ZNF568: variants seen among roughly 807,000 people sequenced by gnomAD.
The protein encoded by ZNF568 is zinc finger protein 568.
ZNF568 carries 11 observed loss-of-function variants against 18.1 expected under a neutral mutation model. The observed-to-expected ratio is 0.61, with a 90% confidence interval of 0.38 to 1.00. ZNF568 has a LOEUF of 1.00. Ranked by LOEUF, ZNF568 falls within the 50% of genes least tolerant of loss-of-function variation. The pLI, the probability that ZNF568 is intolerant of heterozygous loss-of-function variation, is 0.01. For missense variants in ZNF568, 639 were observed against 768.2 expected (o/e 0.83, Z 1.99); for synonymous variants, 213 against 246.6 (o/e 0.86, Z 1.28).
intron 6 of ZNF568, among the ~76,000 whole-genome samples, chr19:36,963,636 T>A (rs2074171534): frequency 6.6e-6 from 1 of 152,062 alleles, no homozygotes; most frequent in South Asian, 2.1e-4. Context: ...TATTTCAGAG[T>A]TGTTTTTTAA....
chr19:36,960,110 CTT>C (rs34588591), intron 6 of ZNF568, among the ~76,000 whole-genome samples: 2 of 87,678 alleles, frequency 2.3e-5, no homozygotes, highest in Admixed American at 1.4e-4. Context: ...AATTGTTCTA[CTT>C]TTTTTTTTTT....
At chr19:36,936,577 G>A in intron 4 of ZNF568, 169 bp from the exon 5 acceptor site, 1 of 537,806 alleles carries the variant, frequency 1.9e-6, no homozygotes, top group Non-Finnish European at 3.0e-6. Context: ...TCAGATTTGG[G>A]AAATGTCCAA....
At chr19:36,944,527 C>A (rs945122106) in intron 6 of ZNF568, among the ~76,000 whole-genome samples, 6 of 151,944 alleles carry the variant, frequency 3.9e-5, no homozygotes, top group African/African-American at 7.3e-5. Context: ...TGTTTATTTC[C>A]TTAATTCATA....
Position 36,921,391 on chromosome 19 carries a change from G to T in ZNF568, c.-185-1195G>T, listed in dbSNP as rs374925375. 4.7e-4 allele frequency among the ~76,000 whole-genome samples: 71 copies of T among 152,074 alleles called. 1 individual carries two copies. The South Asian group carries it at 0.014, about 29-fold the overall frequency. On this transcript the variant is annotated intron_variant, in intron 2 of 6. Coordinates refer to ENST00000333987, the MANE Select transcript of ZNF568 (RefSeq NM_198539.4). ...CAGGAGAATCACTTAAACCCAGGAG[G>T]CGGAGGTTGCAGTGAACTGAGATTG...
rs2073531894 is a variant in ZNF568, at chr19:36,925,238, G to A, written c.115G>A (p.Glu39Lys). 2 of 1,614,124 alleles carry A rather than the reference G, an allele frequency of 1.2e-6. No homozygotes were observed. Among genetic ancestry groups the A allele is most frequent in the South Asian group, 2.2e-5 (2 of 91,082 alleles). ...SQESALSEEEEDTTRPLETVT... is the reference protein window; with the variant it reads ...SQESALSEEEKDTTRPLETVT... ...AGAGTCTGCCCTTTCCGAGGAAGAA[G>A]AGGATACAACCAGGCCTCTTGTACG... The change falls in exon 4 of 7, where the codon GAG becomes AAG. Residue 39 changes from glutamate (E) to lysine (K), a missense_variant. Coordinates refer to ENST00000333987, the MANE Select transcript of ZNF568 (RefSeq NM_198539.4).
rs185145600 is a variant in ZNF568 at position 36,926,560 on chromosome 19, T to C, written c.135+1302T>C. Among the ~76,000 whole-genome samples, 8 of 152,310 alleles carry C rather than the reference T, an allele frequency of 5.3e-5. No individual in the cohort carries two copies. The East Asian group carries it at 1.5e-3, about 29-fold the overall frequency. ...AGTCTATAAATGGGGATGATAATGGTATTTATCCCACAGGAATGTTGGGAG... is the reference window on the plus strand; with the variant it reads ...AGTCTATAAATGGGGATGATAATGGCATTTATCCCACAGGAATGTTGGGAG... On this transcript the variant is annotated intron_variant, in intron 4 of 6. Coordinates refer to ENST00000333987, the MANE Select transcript of ZNF568 (RefSeq NM_198539.4).
intron 6 of ZNF568, among the ~76,000 whole-genome samples, chr19:36,938,517 T>C (rs2073827049): frequency 1.3e-5 from 2 of 152,182 alleles, no homozygotes; most frequent in African/African-American, 2.4e-5. Context: ...CATGGATATA[T>C]AACAGTATAC....
chr19:36,974,828 T>A (rs2074267444), intron 7 of ZNF568, among the ~76,000 whole-genome samples: 1 of 139,678 alleles, frequency 7.2e-6, no homozygotes, highest in Non-Finnish European at 1.5e-5. Context: ...GCTTACCAAT[T>A]TTTTTTTTTT....
At chr19:36,957,928 T>C (rs2074120088) in intron 6 of ZNF568, among the ~76,000 whole-genome samples, 1 of 152,214 alleles carries the variant, frequency 6.6e-6, no homozygotes, top group African/African-American at 2.4e-5. Flanking sequence ...GATTGCCTTA[T>C]TGAGTTGAGG....
At chr19:36,926,370 A>G (rs758591952) in intron 4 of ZNF568, among the ~76,000 whole-genome samples, 4 of 152,132 alleles carry the variant, frequency 2.6e-5, no homozygotes, top group Non-Finnish European at 5.9e-5. Flanking sequence ...TCTTTTGACC[A>G]TATGATCATA....
downstream of ZNF568, among the ~76,000 whole-genome samples, chr19:36,953,525 C>T (rs1600825527): frequency 6.6e-6 from 1 of 152,302 alleles, no homozygotes; most frequent in East Asian, 1.9e-4. Flanking sequence ...TGTAATAATA[C>T]ATGAACCAAC....
At chr19:36,958,606 CT>C (rs978459891) in intron 6 of ZNF568, among the ~76,000 whole-genome samples, 1 of 105,042 alleles carries the variant, frequency 9.5e-6, no homozygotes, top group African/African-American at 3.7e-5. Context: ...TTTCTTTTTT[CT>C]TTTTCTTTCT....
chr19:36,924,051 A>G (rs1205780988), intron 3 of ZNF568, among the ~76,000 whole-genome samples: 5 of 152,154 alleles, frequency 3.3e-5, no homozygotes, highest in Non-Finnish European at 7.3e-5. Flanking sequence ...ATATTAATAA[A>G]TGCAGGTATT....
intron 4 of ZNF568, among the ~76,000 whole-genome samples, chr19:36,993,365 T>C (rs966214046): frequency 2.0e-5 from 3 of 152,164 alleles, no homozygotes; most frequent in African/African-American, 7.2e-5. Context: ...AAGATACTGG[T>C]CTGTAGTTTT....
In ZNF568 at chr19:36,950,667, C is replaced by T; in HGVS notation, c.1514C>T (p.Thr505Ile). The T allele has an allele frequency of 1.9e-6, 3 of 1,613,502 alleles. No homozygotes were observed. Among genetic ancestry groups the T allele is most frequent in the Non-Finnish European group, 2.5e-6 (3 of 1,179,802 alleles). ...ACGGGTGAGAAACCCTATGCATGTA[C>T]AGTATGTGGAAAAGCCTTTAGTCAG... ...IHTGEKPYAC[T>I]VCGKAFSQKS... The change falls in exon 7 of 7, where the codon ACA (threonine) becomes ATA (isoleucine). Residue 505 changes from threonine to isoleucine, a missense_variant. Coordinates refer to ENST00000333987, the MANE Select transcript of ZNF568 (RefSeq NM_198539.4).
At chr19:36,992,317 C>T (rs7253220) in intron 4 of ZNF568, among the ~76,000 whole-genome samples, 80,355 of 149,900 alleles carry the variant, frequency 0.54, 22,030 homozygotes, top group African/African-American at 0.62. Flanking sequence ...ACCTGGCCAA[C>T]ATGGTGAAAC....
At chr19:36,988,403 A>G (rs756964570) in intron 2 of ZNF568, among the ~76,000 whole-genome samples, 10 of 152,356 alleles carry the variant, frequency 6.6e-5, no homozygotes, top group East Asian at 1.9e-4. Context: ...TTCAGGAAGC[A>G]TGATGCTGGC....
At chr19:36,968,887 GCT>G (rs1394394310) in intron 6 of ZNF568, among the ~76,000 whole-genome samples, 1 of 149,094 alleles carries the variant, frequency 6.7e-6, no homozygotes, top group African/African-American at 2.5e-5. Context: ...TCAGAGTCTT[GCT>G]CTGTCCCCCA....
intron 6 of ZNF568, among the ~76,000 whole-genome samples, chr19:36,963,246 T>C (rs199715314): frequency 3.2e-5 from 1 of 30,800 alleles, no homozygotes; most frequent in Admixed American, 2.9e-4. Flanking sequence ...AGGTAGTATA[T>C]GGAGATACGA....
Sources: gnomAD v4.1 joint callset for allele counts (sites outside exome capture counted in the v4.1 genomes callset) on GRCh38, gnomAD v4.1.1 for gene constraint, MANE v1.5 for transcripts, NCBI Gene and HGNC (gene_info 2026-07-23, HGNC 2026-07-21) for gene names.